The following ACSS3 variants were observed in gnomAD, a reference collection of about 807,000 sequenced individuals.
ACSS3 encodes acyl-CoA synthetase short chain family member 3, also known as acyl-CoA synthetase short-chain family member 3, mitochondrial.
Under a neutral mutation model 84.2 loss-of-function variants are expected in ACSS3, and 64 were observed. The ratio of observed to expected loss-of-function variants is 0.76; its 90% CI spans 0.62 to 0.94. ACSS3 has a LOEUF of 0.94. ACSS3 is among the 40% of genes least tolerant of loss of function. The probability of loss-of-function intolerance (pLI) is 0.00; values close to 1 mark genes in which losing one functional copy is unlikely to be tolerated. For missense variants in ACSS3, 815 were observed against 867.6 expected (o/e 0.94, Z 0.76); for synonymous variants, 317 against 310.1 (o/e 1.02, Z -0.23).
intron 13 of ACSS3, among the ~76,000 whole-genome samples, chr12:81,244,309 T>G (rs746098660): frequency 2.0e-5 from 3 of 152,082 alleles, no homozygotes; most frequent in Non-Finnish European, 4.4e-5. Flanking sequence ...TCTTAGATTG[T>G]TTGAAATTTG....
intron 2 of ACSS3, among the ~76,000 whole-genome samples, chr12:81,129,375 T>C (rs1194961452): frequency 6.6e-6 from 1 of 152,122 alleles, no homozygotes; most frequent in Non-Finnish European, 1.5e-5. Flanking sequence ...CTGGGAATAG[T>C]GAGTTCTATG....
chr12:81,139,780 T>C (rs35487371), intron 4 of ACSS3, among the ~76,000 whole-genome samples: 9,201 of 151,410 alleles, frequency 0.061, 397 homozygotes, highest in Middle Eastern at 0.12. Flanking sequence ...GGACTACAGG[T>C]GCCTGCCACC....
At chr12:81,160,164 T>A (rs887301924) in intron 7 of ACSS3, among the ~76,000 whole-genome samples, 3 of 152,216 alleles carry the variant, frequency 2.0e-5, no homozygotes, top group African/African-American at 7.2e-5. Flanking sequence ...AACTGGTTGG[T>A]ATAATTGGTC....
chr12:81,165,560 G>A (rs926773348), intron 7 of ACSS3, among the ~76,000 whole-genome samples: 2 of 151,984 alleles, frequency 1.3e-5, no homozygotes, highest in African/African-American at 4.8e-5. Flanking sequence ...GCAGGAGAAC[G>A]GTGTGAACCT....
In ACSS3 at chr12:81,240,577, A is replaced by C. The variant is rs143567610; in HGVS notation, c.1719+7106A>C. On this transcript the variant is annotated intron_variant, in intron 13 of 15. Transcript: ENST00000548058. ...ATATAACTGAATTAACATTTACCAGATTTGTTACAGTTTTCTATTTGTTGC... is the reference window on the plus strand; with the variant it reads ...ATATAACTGAATTAACATTTACCAGCTTTGTTACAGTTTTCTATTTGTTGC... Among the ~76,000 whole-genome samples, 1,044 of 152,054 alleles carry C rather than the reference A, an allele frequency of 6.9e-3. 7 individuals carry two copies. The highest frequency in any genetic ancestry group is 0.02 in the Middle Eastern group (6 of 294).
intron 8 of ACSS3, among the ~76,000 whole-genome samples, chr12:81,196,308 G>A (rs367943222): frequency 6.6e-6 from 1 of 152,066 alleles, no homozygotes; most frequent in African/African-American, 2.4e-5. Context: ...ATACCCTCAC[G>A]TGGCTATTGA....
chr12:81,215,643 T>C (rs1325339433), intron 9 of ACSS3, among the ~76,000 whole-genome samples: 1 of 152,200 alleles, frequency 6.6e-6, no homozygotes, highest in Admixed American at 6.5e-5. Flanking sequence ...GTTAATTCCT[T>C]GGGTATATGT....
Position 81,260,105 on chromosome 12 carries a change from CAGT to C in ACSS3, c.*5188_*5190del. The stretch of plus-strand genomic sequence containing the variant: ...AGTCACCTATTGTAAACGTTTGTGT[CAGT>C]AGTATGGCATTGCTGATTGTTTTCA... On this transcript the variant is annotated 3_prime_UTR_variant, in exon 16 of 16. Coordinates refer to ENST00000548058, the MANE Select transcript of ACSS3 (RefSeq NM_024560.4). 6.5e-6 allele frequency: 1 copy of C among 153,282 alleles called. No individual in the cohort carries two copies. The highest frequency in any genetic ancestry group is 3.4e-3 in the Middle Eastern group (1 of 294). The allele number at this position is 153,282 out of a possible 1,614,324, so 9.5% of individuals were successfully genotyped here. A position where few individuals can be genotyped will look rare whatever the true frequency, so the allele number is the denominator to read the frequency against.
chr12:81,163,890 T>C (rs1350802953), intron 7 of ACSS3, among the ~76,000 whole-genome samples: 1 of 152,166 alleles, frequency 6.6e-6, no homozygotes, highest in East Asian at 1.9e-4. Context: ...TTATTACAAG[T>C]CAAAAATTTA....
chr12:81,139,316 G>A, intron 4 of ACSS3, 51 bp downstream of exon 4: 1 of 1,588,906 alleles, frequency 6.3e-7, no homozygotes, highest in Non-Finnish European at 8.6e-7. Flanking sequence ...TGCTAAGAAT[G>A]AGTTTAGTTT....
intron 5 of ACSS3, among the ~76,000 whole-genome samples, chr12:81,147,396 G>A (rs552340241): frequency 7.2e-5 from 11 of 152,152 alleles, no homozygotes; most frequent in Non-Finnish European, 1.5e-4. Flanking sequence ...TGTATTAAAT[G>A]CCTATTCTAT....
intron 9 of ACSS3, among the ~76,000 whole-genome samples, chr12:81,207,905 G>A (rs2032416732): frequency 6.6e-6 from 1 of 152,076 alleles, no homozygotes; most frequent in South Asian, 2.1e-4. Context: ...GTGCTATAAG[G>A]GAGTAGGATA....
chr12:81,142,228 G>A (rs1399682303), intron 4 of ACSS3, among the ~76,000 whole-genome samples: 1 of 152,056 alleles, frequency 6.6e-6, no homozygotes, highest in South Asian at 2.1e-4. Flanking sequence ...GCTTGTGCTT[G>A]TGCTAACATG....
intron 1 of ACSS3, among the ~76,000 whole-genome samples, chr12:81,107,550 ATATATATAT>A (rs1883164634): frequency 9.2e-6 from 1 of 109,262 alleles, no homozygotes; most frequent in African/African-American, 3.5e-5. Flanking sequence ...ATATATATAT[ATATATATAT>A]AAATGTTTTT....
intron 9 of ACSS3, among the ~76,000 whole-genome samples, chr12:81,213,127 T>G (rs565655077): frequency 5.3e-5 from 8 of 152,312 alleles, no homozygotes; most frequent in African/African-American, 1.9e-4. Context: ...AGATTTCTTG[T>G]CTCCATAAAT....
chr12:81,255,713 CTT>C lies in ACSS3; in HGVS notation c.*792_*793del, dbSNP rs2034275906. ...CGGGAGGCTGAGGCAAGGAGAATCA[CTT>C]GAATACAAGAGGCAGAGGTTGCAGT... is the stretch of plus-strand genomic sequence containing the variant. On this transcript the variant is annotated 3_prime_UTR_variant, in exon 16 of 16. Transcript: ENST00000548058. 1 of 152,238 alleles carries C rather than the reference CTT, an allele frequency of 6.6e-6. No homozygotes were observed. Among genetic ancestry groups the C allele is most frequent in the Admixed American group, 6.6e-5 (1 of 15,262 alleles). The allele number at this position is 152,238 out of a possible 1,614,324, so 9.4% of individuals were successfully genotyped here.
chr12:81,200,307 T>C (rs2032042066), intron 9 of ACSS3, among the ~76,000 whole-genome samples: 1 of 152,222 alleles, frequency 6.6e-6, no homozygotes, highest in South Asian at 2.1e-4. Context: ...ACAACCTTTA[T>C]ATGTACATAT....
intron 15 of ACSS3, among the ~76,000 whole-genome samples, chr12:81,254,145 G>T (rs879647884): frequency 6.6e-6 from 1 of 152,032 alleles, no homozygotes; most frequent in Non-Finnish European, 1.5e-5. Flanking sequence ...GCCCAGGGTG[G>T]TCTTGAATTC....
intron 7 of ACSS3, among the ~76,000 whole-genome samples, chr12:81,155,050 T>C (rs1886796063): frequency 6.6e-6 from 1 of 152,178 alleles, no homozygotes; most frequent in Non-Finnish European, 1.5e-5. Context: ...CTGGCCACAC[T>C]ATACTGAAAT....
Sources: allele counts gnomAD v4.1 joint callset (sites outside exome capture counted in the v4.1 genomes callset), GRCh38; gene constraint gnomAD v4.1.1; transcripts MANE v1.5; gene names NCBI Gene and HGNC (gene_info 2026-07-23, HGNC 2026-07-21).